The following AFG1L variants were observed in gnomAD, a reference collection of about 807,000 sequenced individuals.
AFG1L encodes AFG1 like ATPase, also known as AFG1-like ATPase.
In AFG1L, 53 loss-of-function variants were observed where a neutral mutation model predicts 62.2. That is an observed-to-expected ratio of 0.85 (90% CI 0.68 to 1.07). AFG1L has a LOEUF of 1.07. Among genes scored for constraint, AFG1L ranks in the 50% least tolerant of loss-of-function variants. The pLI is 0.00. For synonymous variants in AFG1L, 228 were observed against 210.3 expected, an observed-to-expected ratio of 1.08 and a Z score of -0.73; for missense variants, 555 against 590.5, an observed-to-expected ratio of 0.94 and a Z score of 0.62.
At chr6:108,498,237 G>A (rs1052839651) in intron 10 of AFG1L, among the ~76,000 whole-genome samples, 2 of 152,180 alleles carry the variant, frequency 1.3e-5, no homozygotes, top group Non-Finnish European at 2.9e-5. Context: ...CCATGGTAAA[G>A]AATAGACTCC....
At chr6:108,469,393 A>T (rs192936669) in intron 8 of AFG1L, among the ~76,000 whole-genome samples, 2 of 152,238 alleles carry the variant, frequency 1.3e-5, no homozygotes, top group East Asian at 1.9e-4. Context: ...GAAAATTTTA[A>T]TGTAGGCTTT....
chr6:108,419,919 C>T (rs1357078316), intron 7 of AFG1L, among the ~76,000 whole-genome samples: 3 of 152,106 alleles, frequency 2.0e-5, no homozygotes, highest in Admixed American at 6.6e-5. Flanking sequence ...AGTGTTCAGC[C>T]TTTGTCCAGC....
intron 6 of AFG1L, among the ~76,000 whole-genome samples, chr6:108,379,231 G>A (rs1269857500): frequency 6.6e-6 from 1 of 151,884 alleles, no homozygotes; most frequent in Non-Finnish European, 1.5e-5. Context: ...TACTGGTCTT[G>A]ATCTCCTGAC....
intron 6 of AFG1L, among the ~76,000 whole-genome samples, chr6:108,388,587 T>C (rs544849421): frequency 0.028 from 4,316 of 152,148 alleles, 94 homozygotes; most frequent in Middle Eastern, 0.085. Flanking sequence ...TCTTTGTTCT[T>C]GTTGGTTTCA....
At chr6:108,498,639 A>G (rs1235717851) in intron 10 of AFG1L, among the ~76,000 whole-genome samples, 1 of 152,176 alleles carries the variant, frequency 6.6e-6, no homozygotes, top group Admixed American at 6.6e-5. Context: ...ATTTCTGTAT[A>G]TTATATAATC....
rs562008909 is a variant in AFG1L, at chr6:108,437,244, C to T, written c.808-9970C>T. On this transcript the variant is annotated intron_variant, in intron 7 of 12. Transcript: ENST00000368977. Reference sequence around the variant, plus strand: ...TAATGATGGACTCATTTATTTACACCTCAAATTCCCTTACCAAGTTTATGC... The same window carrying T: ...TAATGATGGACTCATTTATTTACACTTCAAATTCCCTTACCAAGTTTATGC... Among the ~76,000 whole-genome samples the T allele has an allele frequency of 5.8e-4, 88 of 152,262 alleles. 1 individual carries two copies. The South Asian group carries it at 8.1e-3, about 14-fold the overall frequency.
intron 8 of AFG1L, among the ~76,000 whole-genome samples, chr6:108,447,533 GAT>G (rs1771866806): frequency 6.6e-6 from 1 of 152,132 alleles, no homozygotes; most frequent in Non-Finnish European, 1.5e-5. Flanking sequence ...AATGATGACA[GAT>G]GGTTAGAATG....
At chr6:108,482,480 A>C (rs1337264923) in intron 10 of AFG1L, among the ~76,000 whole-genome samples, 1 of 152,158 alleles carries the variant, frequency 6.6e-6, no homozygotes, top group Non-Finnish European at 1.5e-5. Flanking sequence ...TTCATATGGT[A>C]TATCTGTTAC....
chr6:108,325,923 C>T (rs1778025581), intron 2 of AFG1L, among the ~76,000 whole-genome samples: 1 of 152,046 alleles, frequency 6.6e-6, no homozygotes, highest in African/African-American at 2.4e-5. Context: ...ATTACAGGCA[C>T]CTGCCACCAT....
At chr6:108,387,902 T>G (rs1007348919) in intron 6 of AFG1L, 2 of 152,024 alleles carry the variant, frequency 1.3e-5, no homozygotes, top group Non-Finnish European at 2.9e-5. Context: ...CAGCTAGAAT[T>G]TTTTTATTTA....
intron 1 of AFG1L, among the ~76,000 whole-genome samples, chr6:108,319,302 A>G (rs888911435): frequency 5.9e-5 from 9 of 152,198 alleles, no homozygotes; most frequent in Non-Finnish European, 1.2e-4. Flanking sequence ...GTGCAGTAGC[A>G]TGATCTCCAC....
In AFG1L at chr6:108,479,240, C is replaced by T. The variant is rs148184811; in HGVS notation, c.1062+1948C>T. 4.3e-4 allele frequency among the ~76,000 whole-genome samples: 66 copies of T among 152,306 alleles called. 1 individual carries two copies. In the East Asian group the frequency reaches 0.011, roughly 25 times the overall value. ...TTCCTGGCCTCAAGAGATCCACCCA[C>T]CTCAGCCTTCCAAAGTGCTGGGATT... On this transcript the variant is annotated intron_variant, in intron 10 of 12. Transcript: ENST00000368977.
At chr6:108,300,630 C>G (rs1483367452) in intron 1 of AFG1L, among the ~76,000 whole-genome samples, 1 of 150,588 alleles carries the variant, frequency 6.6e-6, no homozygotes, top group Non-Finnish European at 1.5e-5. Flanking sequence ...TTTGGACTTA[C>G]TGTCTGTTTC....
chr6:108,346,770 T>C (rs1479429286), intron 2 of AFG1L, among the ~76,000 whole-genome samples: 1 of 152,246 alleles, frequency 6.6e-6, no homozygotes, highest in Admixed American at 6.5e-5. Context: ...CCTAGCATAA[T>C]GTCCCCAATG....
At chr6:108,489,720 G>A (rs769293145) in intron 10 of AFG1L, among the ~76,000 whole-genome samples, 14 of 152,202 alleles carry the variant, frequency 9.2e-5, no homozygotes, top group Admixed American at 1.3e-4. Context: ...GGGCTCCAAC[G>A]GTTTCAGTCT....
intron 7 of AFG1L, among the ~76,000 whole-genome samples, chr6:108,409,719 A>G (rs1782019052): frequency 1.3e-5 from 2 of 152,226 alleles, no homozygotes. Flanking sequence ...TCTTAGAAAA[A>G]GCAGATGATA....
intron 10 of AFG1L, among the ~76,000 whole-genome samples, chr6:108,492,043 A>C (rs1773797525): frequency 6.6e-6 from 1 of 152,254 alleles, no homozygotes; most frequent in African/African-American, 2.4e-5. Flanking sequence ...ACGTGTTCAG[A>C]AGTTACAGTT....
chr6:108,356,179 C>T (rs1261650477), intron 4 of AFG1L, among the ~76,000 whole-genome samples: 3 of 152,170 alleles, frequency 2.0e-5, no homozygotes, highest in African/African-American at 7.2e-5. Context: ...ATTTGTTTAC[C>T]AGCTGCACTG....
At chr6:108,518,506 G>A (rs1275656511) in intron 11 of AFG1L, among the ~76,000 whole-genome samples, 1 of 133,590 alleles carries the variant, frequency 7.5e-6, no homozygotes, top group Non-Finnish European at 1.6e-5. Flanking sequence ...GTTGTGGGGT[G>A]GGGGGAGGGG....
Sources: gnomAD v4.1 joint callset for allele counts (sites outside exome capture counted in the v4.1 genomes callset) on GRCh38, gnomAD v4.1.1 for gene constraint, MANE v1.5 for transcripts, NCBI Gene and HGNC (gene_info 2026-07-23, HGNC 2026-07-21) for gene names.